The following ADAMTS12 variants were observed in gnomAD, a reference collection of about 807,000 sequenced individuals.
The protein encoded by ADAMTS12 is ADAM metallopeptidase with thrombospondin type 1 motif 12.
Under a neutral mutation model 167.8 loss-of-function variants are expected in ADAMTS12, and 118 were observed. The ratio of observed to expected loss-of-function variants is 0.70; its 90% CI spans 0.61 to 0.82. The LOEUF is 0.82. Among genes scored for constraint, ADAMTS12 ranks in the 40% least tolerant of loss-of-function variants. The pLI is 0.00. For synonymous variants in ADAMTS12, 704 were observed against 716.9 expected, an observed-to-expected ratio of 0.98 and a Z score of 0.29; for missense variants, 1,916 against 1,998.8, an observed-to-expected ratio of 0.96 and a Z score of 0.79.
intron 2 of ADAMTS12, among the ~76,000 whole-genome samples, chr5:33,834,740 T>G: frequency 6.6e-6 from 1 of 152,238 alleles, no homozygotes; most frequent in East Asian, 1.9e-4. Context: ...TGTCCCTAGT[T>G]TCCTGGAGGA....
rs1320873231 is a variant in ADAMTS12 at position 33,730,710 on chromosome 5, A to G, written c.634+20694T>C. Among the ~76,000 whole-genome samples, 3 of 152,138 alleles carry G rather than the reference A, an allele frequency of 2.0e-5. 1 individual carries two copies. The highest frequency in any genetic ancestry group is 2.0e-4 in the Admixed American group (3 of 15,268). On this transcript the variant is annotated intron_variant, in intron 3 of 23. Coordinates refer to ENST00000504830, the MANE Select transcript of ADAMTS12 (RefSeq NM_030955.4). The stretch of plus-strand genomic sequence containing the variant: ...ACTTAGTTAGGATTGCTTCATTGGA[A>G]CCCTCGACTTTATCTACTGTTTTTC...
At chr5:33,754,810 T>C (rs1353872353) in intron 2 of ADAMTS12, among the ~76,000 whole-genome samples, 1 of 152,044 alleles carries the variant, frequency 6.6e-6, no homozygotes. Flanking sequence ...GAGCCGAGAT[T>C]GCGCCATTGC....
intron 14 of ADAMTS12, among the ~76,000 whole-genome samples, chr5:33,618,393 G>A (rs1467421372): frequency 6.6e-6 from 1 of 152,168 alleles, no homozygotes; most frequent in East Asian, 1.9e-4. Context: ...ATTTCTGTCT[G>A]ACATTTTGCT....
chr5:33,694,685 C>G (rs1463111104), intron 3 of ADAMTS12, among the ~76,000 whole-genome samples: 2 of 152,114 alleles, frequency 1.3e-5, no homozygotes, highest in African/African-American at 2.4e-5. Flanking sequence ...ATGGTGGCTG[C>G]CAGCTACATG....
At chr5:33,710,045 T>C (rs1743338081) in intron 3 of ADAMTS12, among the ~76,000 whole-genome samples, 1 of 152,172 alleles carries the variant, frequency 6.6e-6, no homozygotes. Context: ...ATTCCTTATC[T>C]TCAAAATAGG....
chr5:33,706,441 C>T (rs1487800753), intron 3 of ADAMTS12, among the ~76,000 whole-genome samples: 1 of 152,068 alleles, frequency 6.6e-6, no homozygotes, highest in East Asian at 1.9e-4. Context: ...ATCCCTTTAC[C>T]ATAACATAAT....
intron 2 of ADAMTS12, among the ~76,000 whole-genome samples, chr5:33,797,245 T>G (rs903301817): frequency 6.6e-6 from 1 of 152,090 alleles, no homozygotes; most frequent in African/African-American, 2.4e-5. Context: ...TGGTCAAGGG[T>G]CTGTAATCTT....
chr5:33,838,016 T>C (rs1192427015), intron 2 of ADAMTS12, among the ~76,000 whole-genome samples: 1 of 152,162 alleles, frequency 6.6e-6, no homozygotes, highest in East Asian at 1.9e-4. Flanking sequence ...TCATATTTTT[T>C]TTTAGTGAGA....
intron 18 of ADAMTS12, among the ~76,000 whole-genome samples, chr5:33,582,133 TA>T (rs758550361): frequency 2.0e-5 from 3 of 151,312 alleles, no homozygotes; most frequent in African/African-American, 4.9e-5. Context: ...GCTAAGATAA[TA>T]AAAAAAAATC....
chr5:33,668,102 T>C (rs1036265913), intron 5 of ADAMTS12, among the ~76,000 whole-genome samples: 2 of 152,194 alleles, frequency 1.3e-5, no homozygotes, highest in African/African-American at 4.8e-5. Context: ...CTGTCATCAA[T>C]TCAAAATATC....
chr5:33,871,020 A>C (rs1446622441), intron 2 of ADAMTS12, among the ~76,000 whole-genome samples: 4 of 152,182 alleles, frequency 2.6e-5, no homozygotes, highest in Admixed American at 2.0e-4. Context: ...ATTAATATGA[A>C]GATGAAAGTA....
At chr5:33,827,354 T>A (rs950246267) in intron 2 of ADAMTS12, among the ~76,000 whole-genome samples, 1 of 151,962 alleles carries the variant, frequency 6.6e-6, no homozygotes, top group South Asian at 2.1e-4. Flanking sequence ...GCTTCAGTCC[T>A]ACAGCTGCAA....
At chr5:33,823,947 T>C (rs1211493889) in intron 2 of ADAMTS12, among the ~76,000 whole-genome samples, 2 of 152,320 alleles carry the variant, frequency 1.3e-5, no homozygotes, top group African/African-American at 2.4e-5. Context: ...GTGATCATTA[T>C]GCTATGCATA....
intron 19 of ADAMTS12, among the ~76,000 whole-genome samples, chr5:33,575,179 C>T (rs1746627605): frequency 6.6e-6 from 1 of 152,040 alleles, no homozygotes. Flanking sequence ...AATGCAAGCA[C>T]TCAAACAAAC....
rs951990506 is a variant in ADAMTS12 at position 33,533,578 on chromosome 5, G to T, written c.4606+1255C>A. Among the ~76,000 whole-genome samples the T allele has an allele frequency of 2.0e-5, 3 of 152,170 alleles. No homozygotes were observed. The South Asian group carries it at 6.2e-4, about 32-fold the overall frequency. On this transcript the variant is annotated intron_variant, in intron 23 of 23. Transcript: ENST00000504830. ...TCTGGAAGACATGAATAACACTTCTGAAAATGAGCTCTAGGTGGTTTCTTC... is the reference window on the plus strand; with the variant it reads ...TCTGGAAGACATGAATAACACTTCTTAAAATGAGCTCTAGGTGGTTTCTTC...
Position 33,526,945 on chromosome 5 carries a change from C to G in ADAMTS12, c.*243G>C, listed in dbSNP as rs1437626209. On this transcript the variant is annotated 3_prime_UTR_variant, in exon 24 of 24. Coordinates refer to ENST00000504830, the MANE Select transcript of ADAMTS12 (RefSeq NM_030955.4). Reference sequence around the variant, plus strand: ...TGGCACCTTTCCCAGGAGCCGATACCAGGTGCTGCCTGATTCTCCTAGCTA... The same window carrying G: ...TGGCACCTTTCCCAGGAGCCGATACGAGGTGCTGCCTGATTCTCCTAGCTA... The G allele has an allele frequency of 4.2e-6, 2 of 478,150 alleles. No individual in the cohort carries two copies. The highest frequency in any genetic ancestry group is 7.4e-6 in the Non-Finnish European group (2 of 269,306). 29.6% of individuals were successfully genotyped at this position (478,150 alleles called of 1,614,324 possible). A position where few individuals can be genotyped will look rare whatever the true frequency, so the allele number is the denominator to read the frequency against.
At chr5:33,807,865 T>C (rs1561282738) in intron 2 of ADAMTS12, among the ~76,000 whole-genome samples, 1 of 152,166 alleles carries the variant, frequency 6.6e-6, no homozygotes, top group Non-Finnish European at 1.5e-5. Context: ...AGTGCAGTTA[T>C]CTGACAACGA....
chr5:33,720,973 T>C (rs921216321), intron 3 of ADAMTS12, among the ~76,000 whole-genome samples: 4 of 152,164 alleles, frequency 2.6e-5, no homozygotes, highest in African/African-American at 7.2e-5. Context: ...ATGAAAAATA[T>C]CCACTGCCCA....
chr5:33,715,747 A>G (rs1743589505), intron 3 of ADAMTS12, among the ~76,000 whole-genome samples: 2 of 152,134 alleles, frequency 1.3e-5, no homozygotes, highest in African/African-American at 2.4e-5. Context: ...TTTTGTGATA[A>G]AGAAGAATCC....
Sources: gnomAD v4.1 joint callset for allele counts (sites outside exome capture counted in the v4.1 genomes callset) on GRCh38, gnomAD v4.1.1 for gene constraint, MANE v1.5 for transcripts, NCBI Gene and HGNC (gene_info 2026-07-23, HGNC 2026-07-21) for gene names.